The following LRRC75B variants were observed in gnomAD, a reference collection of about 807,000 sequenced individuals.
LRRC75B encodes leucine-rich repeat-containing protein 75B.
Under a neutral mutation model 16.5 loss-of-function variants are expected in LRRC75B, and 20 were observed. That is an observed-to-expected ratio of 1.21 (90% CI 0.85 to 1.76). The LOEUF is 1.76. Among genes scored for constraint, LRRC75B ranks in the 40% most tolerant of loss-of-function variants. The pLI is 0.00. For missense variants in LRRC75B, 406 were observed against 417.0 expected (o/e 0.97, Z 0.23); for synonymous variants, 199 against 198.1 (o/e 1.00, Z -0.04).
chr22:24,586,451 G>A, intron 3 of LRRC75B, 40 bp from the exon 4 acceptor site: 1 of 1,577,152 alleles, frequency 6.3e-7, no homozygotes, highest in Non-Finnish European at 8.6e-7. Context: ...TAGGCAACCA[G>A]GCAGTCCCCC....
intron 3 of LRRC75B, among the ~76,000 whole-genome samples, chr22:24,587,146 C>T (rs575990906): frequency 2.0e-5 from 3 of 152,238 alleles, no homozygotes; most frequent in South Asian, 4.2e-4. Flanking sequence ...CTTCTGATGT[C>T]GATTCTTTTA....
chr22:24,592,669 C>T, intron 1 of LRRC75B, 194 bp downstream of exon 1: 1 of 1,026,610 alleles, frequency 9.7e-7, no homozygotes, highest in Non-Finnish European at 1.3e-6. Flanking sequence ...GGCGGTCGCC[C>T]TCTCGCCCAC....
At chr22:24,591,818 G>A (rs1438336733) in intron 1 of LRRC75B, among the ~76,000 whole-genome samples, 1 of 152,252 alleles carries the variant, frequency 6.6e-6, no homozygotes, top group Non-Finnish European at 1.5e-5. Flanking sequence ...GGCAGACCCA[G>A]ACAGGGCCCC....
intron 1 of LRRC75B, 183 bp downstream of exon 1, chr22:24,592,680 G>A: frequency 8.8e-7 from 1 of 1,133,216 alleles, no homozygotes; most frequent in East Asian, 3.4e-5. Context: ...TCTCGCCCAC[G>A]CAAGACCCCG....
At chr22:24,589,602 A>G in intron 2 of LRRC75B, 1 of 586,450 alleles carries the variant, frequency 1.7e-6, no homozygotes, top group East Asian at 3.5e-5. Flanking sequence ...TCTGCCCAGG[A>G]CTCTGAGGGT....
chr22:24,586,258 C>G lies in LRRC75B; in HGVS notation c.576G>C (p.Leu192=). The G allele has an allele frequency of 6.2e-7, 1 of 1,613,854 alleles. No individual in the cohort carries two copies. Among genetic ancestry groups the G allele is most frequent in the Admixed American group, 1.7e-5 (1 of 60,034 alleles). The change falls in exon 4 of 4, where the codon CTG becomes CTC. Residue 192 remains leucine, a synonymous_variant. Transcript: ENST00000318753. ...GCAGGAGGTGCAGCAGCTCATCACTCAGCCCCGTGAAGCTCAGGTCCAGCA... is the reference window on the plus strand; with the variant it reads ...GCAGGAGGTGCAGCAGCTCATCACTGAGCCCCGTGAAGCTCAGGTCCAGCA... ...LAVLDLSFTG[L]SDELLHLLLP...
At chr22:24,588,543 G>T in intron 2 of LRRC75B, 1 of 769,170 alleles carries the variant, frequency 1.3e-6, no homozygotes, top group Non-Finnish European at 2.0e-6. Flanking sequence ...AGCTGGACAG[G>T]CTGGTCCAGT....
Position 24,585,805 on chromosome 22 carries a change from GTCC to G in LRRC75B, c.*78_*80del, listed in dbSNP as rs1443009330. The stretch of plus-strand genomic sequence containing the variant: ...ACACTGGATTTCTGGGGGCCTGTGA[GTCC>G]TCCTTGACCTTCATCGCCCACTATC... On this transcript the variant is annotated 3_prime_UTR_variant, in exon 4 of 4. Coordinates refer to ENST00000318753, the MANE Select transcript of LRRC75B (RefSeq NM_207644.3). 1.5e-6 allele frequency: 2 copies of G among 1,342,750 alleles called. No individual in the cohort carries two copies. Among genetic ancestry groups the G allele is most frequent in the Admixed American group, 5.3e-5 (2 of 38,000 alleles). The allele number at this position is 1,342,750 out of a possible 1,614,324, so 83.2% of individuals were successfully genotyped here. A position where few individuals can be genotyped will look rare whatever the true frequency, so the allele number is the denominator to read the frequency against.
At chr22:24,588,492 G>A in intron 2 of LRRC75B, 163 bp from the exon 3 acceptor site, 1 of 758,334 alleles carries the variant, frequency 1.3e-6, no homozygotes, top group Non-Finnish European at 2.1e-6. Flanking sequence ...CCCCAACCCG[G>A]CTGTGGCCTG....
At chr22:24,591,482 C>T in intron 1 of LRRC75B, among the ~76,000 whole-genome samples, 1 of 152,204 alleles carries the variant, frequency 6.6e-6, no homozygotes, top group Non-Finnish European at 1.5e-5. Context: ...AGGTGATATG[C>T]TCTGTGCGTG....
Position 24,586,194 on chromosome 22 carries a change from G to T in LRRC75B, c.640C>A (p.Leu214Met). Reference sequence around the variant, plus strand: ...CGCGTCAGTCGGTTGCCGTTGAGCAGGAGCTGGGTGAGGCGGGGCAGCGCC... The same window carrying T: ...CGCGTCAGTCGGTTGCCGTTGAGCATGAGCTGGGTGAGGCGGGGCAGCGCC... The part of the protein sequence containing the change: ...LWALPRLTQL[L>M]LNGNRLTRAT... Residue 214 changes from leucine to methionine, a missense_variant, in exon 4 of 4, where the codon CTG (leucine) becomes ATG (methionine). Coordinates refer to ENST00000318753, the MANE Select transcript of LRRC75B (RefSeq NM_207644.3). 1.2e-6 allele frequency: 2 copies of T among 1,613,850 alleles called. No homozygotes were observed. The highest frequency in any genetic ancestry group is 1.7e-6 in the Non-Finnish European group (2 of 1,180,008).
At chr22:24,586,954 A>G (rs1165557082) in intron 3 of LRRC75B, among the ~76,000 whole-genome samples, 2 of 152,230 alleles carry the variant, frequency 1.3e-5, no homozygotes, top group East Asian at 1.9e-4. Context: ...CTCTTTCTTC[A>G]TGAACTATTA....
chr22:24,588,614 C>G (rs934777464), intron 2 of LRRC75B: 40 of 1,044,702 alleles, frequency 3.8e-5, no homozygotes, highest in South Asian at 2.2e-4. Context: ...TCCTCGGGCC[C>G]AGGGCCAGCG....
rs371494351 is a variant in LRRC75B at position 24,586,002 on chromosome 22, C to T, written c.832G>A (p.Glu278Lys). 59 of 1,610,726 alleles carry T rather than the reference C, an allele frequency of 3.7e-5. No individual in the cohort carries two copies. Among genetic ancestry groups the T allele is most frequent in the Middle Eastern group, 1.6e-4 (1 of 6,078 alleles). Residue 278 changes from glutamate to lysine, a missense_variant, in exon 4 of 4, where the codon GAG becomes AAG. Glu to Lys is a moderately conservative substitution (Grantham distance 56). Transcript: ENST00000318753. ...CCCTCAGGCTCAAGGTCCAGGCCCT[C>T]GTAGATGGTGGGGAGTGAGGTGCGC... ...SQRTSLPTIYEGLDLEPEGSA... is the reference protein window; with the variant it reads ...SQRTSLPTIYKGLDLEPEGSA...
chr22:24,588,923 C>G, intron 2 of LRRC75B: 1 of 1,002,260 alleles, frequency 1.0e-6, no homozygotes. Flanking sequence ...GGGTGGAATC[C>G]GAGGTGCGCG....
rs755962423 is a variant in LRRC75B, at chr22:24,586,221, A to G, written c.613T>C (p.Trp205Arg). ...AGCTGGGTGAGGCGGGGCAGCGCCC[A>G]CAGGCTGGGCAGCAGGAGGTGCAGC... ...ELLHLLLPSL[W>R]ALPRLTQLLL... is the part of the protein sequence containing the mutation. The change falls in exon 4 of 4, where the codon TGG becomes CGG. Residue 205 changes from tryptophan (W) to arginine (R), a missense_variant. Coordinates refer to ENST00000318753, the MANE Select transcript of LRRC75B (RefSeq NM_207644.3). The G allele has an allele frequency of 1.6e-5, 26 of 1,613,680 alleles. No homozygotes were observed. The East Asian group carries it at 5.3e-4, about 33-fold the overall frequency.
Position 24,586,588 on chromosome 22 carries a change from G to A in LRRC75B, c.423-177C>T, listed in dbSNP as rs537151915. Among the ~76,000 whole-genome samples, 51 of 152,378 alleles carry A rather than the reference G, an allele frequency of 3.3e-4. 1 individual carries two copies. In the South Asian group the frequency reaches 0.011, roughly 32 times the overall value. ...CTCTTTTTGTCCAGGCTGGAGTGCA[G>A]TGGCACAATCTCGGCTTACGGCAAC... On this transcript the variant is annotated intron_variant, in intron 3 of 3. Coordinates refer to ENST00000318753, the MANE Select transcript of LRRC75B (RefSeq NM_207644.3).
intron 2 of LRRC75B, chr22:24,588,888 T>C (rs1426928233): frequency 9.9e-7 from 1 of 1,005,454 alleles, no homozygotes. Flanking sequence ...CAGTCCTAAC[T>C]GGGCTCCGGC....
rs1363241478 is a variant in LRRC75B, at chr22:24,588,641, G to A, written c.307-312C>T. ...GGGCCAGCGTCTCGGGCTATCAGCC[G>A]GCTGCCTGCCCACCCTCAGCACCCT... On this transcript the variant is annotated intron_variant, in intron 2 of 3. Coordinates refer to ENST00000318753, the MANE Select transcript of LRRC75B (RefSeq NM_207644.3). 22 of 1,125,130 alleles carry A rather than the reference G, an allele frequency of 2.0e-5. No individual in the cohort carries two copies. In the South Asian group the frequency reaches 2.7e-4, roughly 14 times the overall value. 69.7% of individuals were successfully genotyped at this position (1,125,130 alleles called of 1,614,324 possible). A position where few individuals can be genotyped will look rare whatever the true frequency, so the allele number is the denominator to read the frequency against.
Sources: allele counts gnomAD v4.1 joint callset (sites outside exome capture counted in the v4.1 genomes callset), GRCh38; gene constraint gnomAD v4.1.1; transcripts MANE v1.5; gene names NCBI Gene and HGNC (gene_info 2026-07-23, HGNC 2026-07-21).